MACROD2: variants seen among roughly 807,000 people sequenced by gnomAD.
MACROD2 encodes the protein mono-ADP ribosylhydrolase 2, also known as ADP-ribose glycohydrolase MACROD2.
In MACROD2, 36 loss-of-function variants were observed where a neutral mutation model predicts 70.4. The observed-to-expected ratio is 0.51, with a 90% CI of 0.39 to 0.68. The LOEUF (loss-of-function observed/expected upper bound fraction) is 0.68, where lower values mean the gene tolerates loss of function less well. Among genes scored for constraint, MACROD2 ranks in the 30% least tolerant of loss-of-function variants. The probability of loss-of-function intolerance (pLI) is 0.00; values close to 1 mark genes in which losing one functional copy is unlikely to be tolerated. For synonymous variants in MACROD2, 172 were observed against 178.8 expected (o/e 0.96, Z 0.30); for missense variants, 496 against 538.4 (o/e 0.92, Z 0.78).
At chr20:14,639,231 CT>C in intron 4 of MACROD2, among the ~76,000 whole-genome samples, 1 of 152,096 alleles carries the variant, frequency 6.6e-6, no homozygotes, top group East Asian at 1.9e-4. Flanking sequence ...CCTCTCCTTT[CT>C]TTTTTTCCTG....
chr20:15,877,941 A>G (rs529095174), intron 9 of MACROD2, among the ~76,000 whole-genome samples: 46 of 152,168 alleles, frequency 3.0e-4, no homozygotes, highest in African/African-American at 1.0e-3. Flanking sequence ...TTTATGATCT[A>G]TTTCAGGTGT....
chr20:14,613,889 C>G (rs1983316088), intron 4 of MACROD2, among the ~76,000 whole-genome samples: 1 of 152,054 alleles, frequency 6.6e-6, no homozygotes, highest in Non-Finnish European at 1.5e-5. Flanking sequence ...CCTATGTAAA[C>G]CCATCGTTAT....
chr20:14,867,123 A>C (rs2073436468), intron 5 of MACROD2, among the ~76,000 whole-genome samples: 1 of 152,116 alleles, frequency 6.6e-6, no homozygotes, highest in Admixed American at 6.6e-5. Flanking sequence ...GCTTTTCTAA[A>C]AAGCCCCATT....
chr20:14,914,110 G>A (rs933149730), intron 5 of MACROD2, among the ~76,000 whole-genome samples: 8 of 152,148 alleles, frequency 5.3e-5, no homozygotes, highest in Admixed American at 1.3e-4. Context: ...GCTCTGAAGC[G>A]CTTACTCTTT....
chr20:15,092,674 A>C (rs2075801227), intron 5 of MACROD2, among the ~76,000 whole-genome samples: 1 of 152,194 alleles, frequency 6.6e-6, no homozygotes, highest in East Asian at 1.9e-4. Context: ...AACAGCAGCT[A>C]TAGATTTGTA....
chr20:15,096,228 C>G (rs2075830900), intron 5 of MACROD2, among the ~76,000 whole-genome samples: 1 of 152,062 alleles, frequency 6.6e-6, no homozygotes, highest in Non-Finnish European at 1.5e-5. Flanking sequence ...TGATTTCCAG[C>G]TCTCAACTCC....
chr20:15,864,715 T>C (rs1161497593), intron 9 of MACROD2, among the ~76,000 whole-genome samples: 1 of 152,126 alleles, frequency 6.6e-6, no homozygotes, highest in African/African-American at 2.4e-5. Context: ...CATTTTAAAA[T>C]GCATTGCAGT....
intron 12 of MACROD2, among the ~76,000 whole-genome samples, chr20:15,951,889 T>G (rs2065910978): frequency 6.6e-6 from 1 of 152,154 alleles, no homozygotes; most frequent in Admixed American, 6.6e-5. Context: ...TTACTAAATA[T>G]TCACTGAATT....
intron 5 of MACROD2, chr20:14,905,179 T>TAG (rs985354070): frequency 3.7e-4 from 57 of 152,238 alleles, no homozygotes; most frequent in African/African-American, 1.3e-3. Flanking sequence ...AAAATATTTC[T>TAG]TGGAAGGGAG....
chr20:15,122,394 A>T (rs1228769418), intron 5 of MACROD2, among the ~76,000 whole-genome samples: 1 of 152,174 alleles, frequency 6.6e-6, no homozygotes, highest in Non-Finnish European at 1.5e-5. Flanking sequence ...TTACAAGGAA[A>T]GTTATTCAGG....
At chr20:15,037,118 A>G (rs918885775) in intron 5 of MACROD2, among the ~76,000 whole-genome samples, 2 of 152,088 alleles carry the variant, frequency 1.3e-5, no homozygotes, top group Non-Finnish European at 2.9e-5. Flanking sequence ...GTTAGTGTGC[A>G]GTGGTACTTA....
chr20:15,617,347 G>A (rs917477616), intron 8 of MACROD2, among the ~76,000 whole-genome samples: 6 of 152,086 alleles, frequency 3.9e-5, no homozygotes, highest in South Asian at 4.1e-4. Flanking sequence ...CACAGTTAAC[G>A]TTTTTCCAGG....
chr20:14,710,512 T>C (rs2071325832), intron 5 of MACROD2, among the ~76,000 whole-genome samples: 1 of 152,250 alleles, frequency 6.6e-6, no homozygotes, highest in African/African-American at 2.4e-5. Flanking sequence ...TATCACCACG[T>C]AGAATTCCTA....
In MACROD2 at chr20:15,618,461, G is replaced by GCAA. The variant is rs1234854812; in HGVS notation, c.645+118614_645+118615insCAA. 2.4e-4 allele frequency among the ~76,000 whole-genome samples: 36 copies of GCAA among 152,174 alleles called. No homozygotes were observed. In the East Asian group the frequency reaches 5.6e-3, roughly 24 times the overall value. On this transcript the variant is annotated intron_variant, in intron 8 of 17. Transcript: ENST00000684519. ...CCACACCAGCCTCATGGTTAAGAAG[G>GCAA]ACCGTCAGGAATGTTTTTATCAACT...
intron 5 of MACROD2, among the ~76,000 whole-genome samples, chr20:15,154,923 AAGATGATC>A (rs1393721631): frequency 3.7e-4 from 57 of 152,316 alleles, no homozygotes; most frequent in Admixed American, 3.7e-3. Context: ...TGAGTGAGGC[AAGATGATC>A]AGTGGGGAAA....
intron 8 of MACROD2, among the ~76,000 whole-genome samples, chr20:15,722,801 A>G (rs2050805399): frequency 6.6e-6 from 1 of 152,184 alleles, no homozygotes; most frequent in Non-Finnish European, 1.5e-5. Context: ...AGAATTTCAT[A>G]ACTCTGAAGT....
intron 5 of MACROD2, among the ~76,000 whole-genome samples, chr20:15,163,908 CT>C (rs2076365324): frequency 6.6e-6 from 1 of 152,022 alleles, no homozygotes; most frequent in Non-Finnish European, 1.5e-5. Context: ...CTGGGCAATT[CT>C]TTAGGCACTG....
chr20:15,165,207 G>A (rs1275559108), intron 5 of MACROD2, among the ~76,000 whole-genome samples: 1 of 152,214 alleles, frequency 6.6e-6, no homozygotes, highest in Admixed American at 6.5e-5. Context: ...TGTAATCCCA[G>A]AACTTTGGGA....
At position 15,438,152 on chromosome 20, in the gene MACROD2, T is replaced by TA. The variant is rs879831619; in HGVS notation, c.571+6729dup. Among the ~76,000 whole-genome samples, 1,271 of 141,362 alleles carry TA rather than the reference T, an allele frequency of 9.0e-3. 4 individuals are homozygous for TA. The highest frequency in any genetic ancestry group is 0.015 in the Admixed American group (218 of 14,090). 92.7% of individuals were successfully genotyped at this position (141,362 alleles called of 152,430 possible). ...CCTGGGCAAGAAGAACAAAACTCCG[T>TA]AAAAAAAAAAAAGAATGATTTATAT... is the stretch of plus-strand genomic sequence containing the variant. On this transcript the variant is annotated intron_variant, in intron 7 of 17. Transcript: ENST00000684519.
Sources: gnomAD v4.1 joint callset for allele counts (sites outside exome capture counted in the v4.1 genomes callset) on GRCh38, gnomAD v4.1.1 for gene constraint, MANE v1.5 for transcripts, NCBI Gene and HGNC (gene_info 2026-07-23, HGNC 2026-07-21) for gene names.